ZFHX4: variants seen among roughly 807,000 people sequenced by gnomAD.
ZFHX4 encodes zinc finger homeobox 4.
A neutral mutation model predicts 267.6 loss-of-function variants in ZFHX4; 56 were observed. That is an observed-to-expected ratio of 0.21 (90% CI 0.17 to 0.26). The LOEUF (loss-of-function observed/expected upper bound fraction) is 0.26, where lower values mean the gene tolerates loss of function less well. Among genes scored for constraint, ZFHX4 ranks in the 10% least tolerant of loss-of-function variants. The pLI, the probability that ZFHX4 is intolerant of heterozygous loss-of-function variation, is 1.00. For missense variants in ZFHX4, 4,332 were observed against 4,420.0 expected, an observed-to-expected ratio of 0.98 and a Z score of 0.56; for synonymous variants, 1,778 against 1,665.6, an observed-to-expected ratio of 1.07 and a Z score of -1.64.
At chr8:76,696,328 C>T (rs1807955918) in intron 1 of ZFHX4, among the ~76,000 whole-genome samples, 1 of 152,026 alleles carries the variant, frequency 6.6e-6, no homozygotes, top group Non-Finnish European at 1.5e-5. Context: ...AGCTTGTCTC[C>T]TGTTGGAATT....
At chr8:76,685,917 CT>C (rs1431448083) in intron 1 of ZFHX4, among the ~76,000 whole-genome samples, 1 of 152,138 alleles carries the variant, frequency 6.6e-6, no homozygotes, top group Non-Finnish European at 1.5e-5. Flanking sequence ...CATTTTGTTT[CT>C]AGCACTTAGT....
At chr8:76,701,811 C>G (rs1342650443) in intron 1 of ZFHX4, among the ~76,000 whole-genome samples, 1 of 152,008 alleles carries the variant, frequency 6.6e-6, no homozygotes, top group East Asian at 1.9e-4. Context: ...ATTTTTTTTA[C>G]ATATCAGATA....
chr8:76,841,527 A>G (rs1268875374), intron 5 of ZFHX4, among the ~76,000 whole-genome samples: 1 of 152,198 alleles, frequency 6.6e-6, no homozygotes, highest in Non-Finnish European at 1.5e-5. Context: ...GGTTAATTGT[A>G]TCATGTTCTC....
At chr8:76,842,610 T>C in intron 5 of ZFHX4, 45 bp from the exon 6 acceptor site, 11 of 1,435,186 alleles carry the variant, frequency 7.7e-6, no homozygotes, top group Non-Finnish European at 1.0e-5. Flanking sequence ...GTGTGAACTT[T>C]TGGGCGGTTT....
At position 76,838,153 on chromosome 8, in the gene ZFHX4, A is replaced by G. The variant is rs549241582; in HGVS notation, c.3395-4502A>G. ...TACATATAGGAAGGGAGAAAGCACT[A>G]CAAACAGTTGGGTTTCTTGAACGGT... On this transcript the variant is annotated intron_variant, in intron 5 of 10. Coordinates refer to ENST00000651372, the MANE Select transcript of ZFHX4 (RefSeq NM_024721.5). Among the ~76,000 whole-genome samples the G allele has an allele frequency of 2.6e-5, 4 of 152,354 alleles. No individual in the cohort carries two copies. The East Asian group carries it at 7.7e-4, about 29-fold the overall frequency.
At chr8:76,776,489 T>G (rs1285047295) in intron 3 of ZFHX4, among the ~76,000 whole-genome samples, 1 of 152,122 alleles carries the variant, frequency 6.6e-6, no homozygotes, top group Non-Finnish European at 1.5e-5. Flanking sequence ...CTGGTGTGTT[T>G]GAAAGGCACA....
chr8:76,766,621 A>C (rs1216447532), intron 3 of ZFHX4, among the ~76,000 whole-genome samples: 1 of 152,058 alleles, frequency 6.6e-6, no homozygotes, highest in Non-Finnish European at 1.5e-5. Context: ...TGAGATTTGC[A>C]GACCTTACAA....
Position 76,853,373 on chromosome 8 carries a change from A to G in ZFHX4, c.6452A>G (p.Asn2151Ser), listed in dbSNP as rs755587881. 1.4e-5 allele frequency: 23 copies of G among 1,613,738 alleles called. No homozygotes were observed. Among genetic ancestry groups the G allele is most frequent in the Middle Eastern group, 1.6e-4 (1 of 6,084 alleles). Residue 2151 changes from asparagine (N) to serine (S), a missense_variant, in exon 10 of 11, where the codon AAT becomes AGT. Asn to Ser is a conservative substitution (Grantham distance 46). Around this residue, in one of 7 missense-constraint regions of ZFHX4, gnomAD observed 48 missense variants for 95.4 expected, o/e 0.50. Transcript: ENST00000651372. Reference sequence around the variant, plus strand: ...ATCCTGAGGGCTTATTTTGACATTAATAATTCTCCAAGTGAAGAACAGATC... The same window carrying G: ...ATCCTGAGGGCTTATTTTGACATTAGTAATTCTCCAAGTGAAGAACAGATC... ...LKILRAYFDI[N>S]NSPSEEQIQE...
intron 1 of ZFHX4, among the ~76,000 whole-genome samples, chr8:76,695,368 A>G (rs950048104): frequency 4.3e-4 from 65 of 152,342 alleles, no homozygotes; most frequent in African/African-American, 1.4e-3. Context: ...AAGAATTTCA[A>G]TCTTAACATC....
At chr8:76,825,050 T>A (rs992436605) in intron 4 of ZFHX4, among the ~76,000 whole-genome samples, 1 of 152,168 alleles carries the variant, frequency 6.6e-6, no homozygotes, top group Non-Finnish European at 1.5e-5. Context: ...GCACAAATAA[T>A]AGTGATATTT....
At chr8:76,758,836 CAG>C (rs1348684085) in intron 3 of ZFHX4, among the ~76,000 whole-genome samples, 1 of 152,056 alleles carries the variant, frequency 6.6e-6, no homozygotes. Context: ...AGCTTGAAAA[CAG>C]AGTCTAGTGA....
At chr8:76,857,167 G>T (rs1228108724) in intron 10 of ZFHX4, among the ~76,000 whole-genome samples, 2 of 151,894 alleles carry the variant, frequency 1.3e-5, no homozygotes, top group African/African-American at 2.4e-5. Context: ...TTATGTTAAA[G>T]AAATGGAATA....
At position 76,864,454 on chromosome 8, in the gene ZFHX4, G is replaced by A; in HGVS notation, c.10740G>A (p.Glu3580=). 2 of 1,613,794 alleles carry A rather than the reference G, an allele frequency of 1.2e-6. No homozygotes were observed. The highest frequency in any genetic ancestry group is 3.3e-5 in the Admixed American group (2 of 59,978). ...TESCSDESDS[E]LSQKLEDLDN... ...GTTGTTCAGATGAGTCTGACAGTGA[G>A]CTGAGCCAGAAGCTAGAAGACTTAG... The change falls in exon 11 of 11, where the codon GAG becomes GAA. Residue 3580 remains glutamate, a synonymous_variant. Coordinates refer to ENST00000651372, the MANE Select transcript of ZFHX4 (RefSeq NM_024721.5).
intron 4 of ZFHX4, among the ~76,000 whole-genome samples, chr8:76,785,998 G>A (rs964473161): frequency 3.3e-5 from 5 of 152,076 alleles, no homozygotes; most frequent in East Asian, 1.9e-4. Flanking sequence ...CTCAACTCAC[G>A]TAATTCTTGA....
intron 1 of ZFHX4, among the ~76,000 whole-genome samples, chr8:76,703,122 C>G (rs921597003): frequency 6.6e-6 from 1 of 151,790 alleles, no homozygotes; most frequent in Non-Finnish European, 1.5e-5. Context: ...GTCTAAGACG[C>G]CTGCTTGCAA....
intron 3 of ZFHX4, among the ~76,000 whole-genome samples, chr8:76,736,918 A>G (rs1585895125): frequency 1.3e-5 from 2 of 152,226 alleles, no homozygotes; most frequent in East Asian, 1.9e-4. Flanking sequence ...CACAGATAAA[A>G]GGAACATTGA....
chr8:76,712,320 A>G (rs560294963), intron 3 of ZFHX4, among the ~76,000 whole-genome samples: 1 of 152,308 alleles, frequency 6.6e-6, no homozygotes, highest in Non-Finnish European at 1.5e-5. Flanking sequence ...GGAGAATGCA[A>G]GGAGGCATAT....
intron 3 of ZFHX4, among the ~76,000 whole-genome samples, chr8:76,710,080 T>G (rs1356619602): frequency 6.6e-6 from 1 of 152,166 alleles, no homozygotes; most frequent in African/African-American, 2.4e-5. Context: ...TAAAAATTTA[T>G]TCTTCTTTAG....
chr8:76,780,638 G>A (rs1810522755), intron 4 of ZFHX4, among the ~76,000 whole-genome samples: 1 of 152,134 alleles, frequency 6.6e-6, no homozygotes, highest in South Asian at 2.1e-4. Context: ...CTAAAGACAT[G>A]TAGAACTAAA....
Sources: allele counts gnomAD v4.1 joint callset (sites outside exome capture counted in the v4.1 genomes callset), GRCh38; gene constraint gnomAD v4.1.1; regional missense constraint gnomAD v4.1.1; transcripts MANE v1.5; gene names NCBI Gene and HGNC (gene_info 2026-07-23, HGNC 2026-07-21).